CDCA2: variants seen among roughly 807,000 people sequenced by gnomAD.
CDCA2 encodes cell division cycle-associated protein 2.
CDCA2 carries 44 observed loss-of-function variants against 67.0 expected under a neutral mutation model. The ratio of observed to expected loss-of-function variants is 0.66; its 90% confidence interval spans 0.52 to 0.84. CDCA2 has a LOEUF of 0.84. Among genes scored for constraint, CDCA2 ranks in the 40% least tolerant of loss-of-function variants. CDCA2 has a pLI of 0.00. For synonymous variants in CDCA2, 447 were observed against 418.7 expected (o/e 1.07, Z -0.82); for missense variants, 1,253 against 1,203.2 (o/e 1.04, Z -0.61).
Position 25,487,344 on chromosome 8 carries a change from T to G in CDCA2, c.1533+10T>G. 1.9e-6 allele frequency: 3 copies of G among 1,539,326 alleles called. No individual in the cohort carries two copies. Among genetic ancestry groups the G allele is most frequent in the Non-Finnish European group, 1.8e-6 (2 of 1,115,978 alleles). ...TTCTAACAGAAGAAATGTAAGTGTT[T>G]GTGTTTGGCACAACGTATTTGTTTT... On this transcript the variant is annotated intron_variant, in intron 12 of 14. Transcript: ENST00000330560.
At position 25,484,216 on chromosome 8, in the gene CDCA2, T is replaced by C; in HGVS notation, c.1365+6T>C. ...ATGACAAGGGGGAGAATCTTGTAAG[T>C]ATGAAAAGCGTGGAACAAGCTTGCC... On this transcript the variant is annotated splice_donor_region_variant and intron_variant, in intron 10 of 14. Transcript: ENST00000330560. 1 of 1,612,694 alleles carries C rather than the reference T, an allele frequency of 6.2e-7. No individual in the cohort carries two copies.
intron 13 of CDCA2, among the ~76,000 whole-genome samples, chr8:25,491,287 G>A (rs569826363): frequency 1.3e-5 from 2 of 152,088 alleles, no homozygotes; most frequent in Non-Finnish European, 2.9e-5. Context: ...AAATAGAATG[G>A]AAGAAATTAT....
chr8:25,502,250 T>C (rs1162932408), intron 13 of CDCA2, among the ~76,000 whole-genome samples: 2 of 152,182 alleles, frequency 1.3e-5, no homozygotes, highest in Admixed American at 1.3e-4. Context: ...CTCTTCAACA[T>C]TGTCACATTG....
intron 7 of CDCA2, among the ~76,000 whole-genome samples, chr8:25,478,710 T>G (rs1532916): frequency 6.6e-6 from 1 of 151,768 alleles, no homozygotes; most frequent in Admixed American, 6.6e-5. Flanking sequence ...CTTGGCTTTG[T>G]GTGCATAATG....
intron 1 of CDCA2, among the ~76,000 whole-genome samples, 197 bp downstream of exon 1, chr8:25,459,670 G>C (rs2117468264): frequency 6.6e-6 from 1 of 152,328 alleles, no homozygotes; most frequent in South Asian, 2.1e-4. Context: ...TTATGATTCA[G>C]GTTTTCGCTA....
intron 14 of CDCA2, 135 bp downstream of exon 14, chr8:25,503,679 A>G (rs1804565542): frequency 1.3e-6 from 1 of 782,144 alleles, no homozygotes; most frequent in East Asian, 2.7e-5. Flanking sequence ...GTTTCCTCAC[A>G]TTACCATGAG....
intron 13 of CDCA2, among the ~76,000 whole-genome samples, chr8:25,492,719 A>G (rs1234137620): frequency 6.6e-6 from 1 of 152,250 alleles, no homozygotes; most frequent in Non-Finnish European, 1.5e-5. Context: ...TTGCAGTCAT[A>G]ATAATACAGA....
At chr8:25,495,257 T>G (rs1804168505) in intron 13 of CDCA2, among the ~76,000 whole-genome samples, 1 of 152,220 alleles carries the variant, frequency 6.6e-6, no homozygotes, top group Non-Finnish European at 1.5e-5. Context: ...TGGGACCATT[T>G]AAATGTTTTA....
intron 13 of CDCA2, among the ~76,000 whole-genome samples, chr8:25,492,180 G>A (rs371745304): frequency 5.2e-4 from 78 of 151,134 alleles, no homozygotes; most frequent in African/African-American, 1.8e-3. Flanking sequence ...ACTCTTCCTG[G>A]GCTCAATCAC....
At chr8:25,473,906 G>A (rs945495193) in intron 7 of CDCA2, among the ~76,000 whole-genome samples, 5 of 152,246 alleles carry the variant, frequency 3.3e-5, no homozygotes, top group African/African-American at 1.2e-4. Context: ...AATTCAAGGA[G>A]GGCAGTACTA....
At position 25,506,935 on chromosome 8, in the gene CDCA2, C is replaced by A; in HGVS notation, c.2269C>A (p.Pro757Thr). 2 of 1,612,074 alleles carry A rather than the reference C, an allele frequency of 1.2e-6. No homozygotes were observed. Among genetic ancestry groups the A allele is most frequent in the East Asian group, 2.2e-5 (1 of 44,850 alleles). Reference sequence around the variant, plus strand: ...CCTTTGTCAGTTCTTTAAAATTTCACCAGATTTAAACATAAAGTGTGAAAG... The same window carrying A: ...CCTTTGTCAGTTCTTTAAAATTTCAACAGATTTAAACATAAAGTGTGAAAG... ...ENLCQFFKIS[P>T]DLNIKCERKD... Residue 757 changes from proline to threonine, a missense_variant, in exon 15 of 15, where the codon CCA (proline) becomes ACA (threonine). Coordinates refer to ENST00000330560, the MANE Select transcript of CDCA2 (RefSeq NM_152562.4).
Position 25,459,417 on chromosome 8 carries a change from A to G in CDCA2, c.-57A>G, listed in dbSNP as rs553852298. The G allele has an allele frequency of 3.3e-5, 5 of 152,392 alleles. No homozygotes were observed. The highest frequency in any genetic ancestry group is 1.2e-4 in the African/African-American group (5 of 41,586). 9.4% of individuals were successfully genotyped at this position (152,392 alleles called of 1,614,324 possible). A position where few individuals can be genotyped will look rare whatever the true frequency, so the allele number is the denominator to read the frequency against. ...GCGGCCGACGCGACGCTCGCCTGCC[A>G]CGGGGCTCTGGGAGTAAGCCTGTCT... On this transcript the variant is annotated 5_prime_UTR_variant, in exon 1 of 15. Transcript: ENST00000330560.
At chr8:25,483,330 G>A in intron 8 of CDCA2, 69 bp from the exon 9 acceptor site, 3 of 956,368 alleles carry the variant, frequency 3.1e-6, no homozygotes, top group Non-Finnish European at 4.6e-6. Context: ...TTTCAAAACT[G>A]CTGTTCTTAA....
chr8:25,477,689 A>G (rs964757694), intron 7 of CDCA2, among the ~76,000 whole-genome samples: 28 of 152,198 alleles, frequency 1.8e-4, no homozygotes, highest in African/African-American at 5.8e-4. Flanking sequence ...TCAAATTAAA[A>G]TAGTTGCCCG....
At chr8:25,497,864 A>G (rs1249206906) in intron 13 of CDCA2, among the ~76,000 whole-genome samples, 1 of 152,188 alleles carries the variant, frequency 6.6e-6, no homozygotes, top group Non-Finnish European at 1.5e-5. Flanking sequence ...GCCCATCAAA[A>G]CTGAATCTAA....
intron 13 of CDCA2, among the ~76,000 whole-genome samples, chr8:25,500,808 T>C (rs185237949): frequency 9.2e-5 from 14 of 152,352 alleles, no homozygotes; most frequent in Admixed American, 8.5e-4. Context: ...TCATTTAATA[T>C]TCCCCACAGC....
At chr8:25,502,458 A>T (rs902345712) in intron 13 of CDCA2, among the ~76,000 whole-genome samples, 1 of 151,932 alleles carries the variant, frequency 6.6e-6, no homozygotes. Flanking sequence ...ATGGAAACCT[A>T]CATTTTCAGT....
Position 25,483,459 on chromosome 8 carries a change from C to T in CDCA2, c.1093C>T (p.Pro365Ser), listed in dbSNP as rs761131272. 1 of 1,611,190 alleles carries T rather than the reference C, an allele frequency of 6.2e-7. No homozygotes were observed. Among genetic ancestry groups the T allele is most frequent in the South Asian group, 1.1e-5 (1 of 90,608 alleles). ...TCATCCGAGCTTAATCTCAAATCTCCCAAACTGTTGCAAAGAGAAAGAAGC... is the reference window on the plus strand; with the variant it reads ...TCATCCGAGCTTAATCTCAAATCTCTCAAACTGTTGCAAAGAGAAAGAAGC... Reference protein sequence around the residue: ...GTHPSLISNLPNCCKEKEAED... With the variant: ...GTHPSLISNLSNCCKEKEAED... The change falls in exon 9 of 15, where the codon CCA becomes TCA. Residue 365 changes from proline to serine, a missense_variant. Pro to Ser is a moderately conservative substitution (Grantham distance 74). Transcript: ENST00000330560.
chr8:25,483,213 G>A (rs1362833304), intron 8 of CDCA2, among the ~76,000 whole-genome samples, 186 bp from the exon 9 acceptor site: 2 of 151,966 alleles, frequency 1.3e-5, no homozygotes, highest in Admixed American at 1.3e-4. Context: ...AGTATCTAGG[G>A]GACATAGTTA....
Sources: allele counts gnomAD v4.1 joint callset (sites outside exome capture counted in the v4.1 genomes callset), GRCh38; gene constraint gnomAD v4.1.1; transcripts MANE v1.5; gene names NCBI Gene and HGNC (gene_info 2026-07-23, HGNC 2026-07-21).